Variants in DECR1 observed in about 807,000 individuals in gnomAD.
DECR1 encodes the protein 2,4-dienoyl-CoA reductase 1.
In DECR1, 44 loss-of-function variants were observed where a neutral mutation model predicts 38.8. That is an observed-to-expected ratio of 1.13 (90% CI 0.89 to 1.46). DECR1 has a LOEUF of 1.46. Ranked by LOEUF, DECR1 falls within the 40% of genes most tolerant of loss-of-function variation. DECR1 has a pLI of 0.00. For synonymous variants in DECR1, 148 were observed against 135.2 expected, an observed-to-expected ratio of 1.09 and a Z score of -0.66; for missense variants, 428 against 405.5, an observed-to-expected ratio of 1.06 and a Z score of -0.48.
chr8:90,023,963 T>C (rs553060930), intron 5 of DECR1, among the ~76,000 whole-genome samples: 76 of 152,066 alleles, frequency 5.0e-4, no homozygotes, highest in South Asian at 8.3e-4. Context: ...TGAGAACATG[T>C]GGTGTTTGGT....
intron 1 of DECR1, among the ~76,000 whole-genome samples, chr8:90,002,107 T>C (rs1332976460): frequency 1.3e-5 from 2 of 152,054 alleles, no homozygotes; most frequent in Non-Finnish European, 2.9e-5. Context: ...TTCGAAGTTT[T>C]CACAGTTCTG....
chr8:90,027,537 A>C (rs1429174002), intron 5 of DECR1, among the ~76,000 whole-genome samples: 2 of 152,036 alleles, frequency 1.3e-5, no homozygotes, highest in South Asian at 4.1e-4. Context: ...GACTAGGATT[A>C]CAACCCCTGC....
chr8:90,024,896 A>G (rs762197514), intron 5 of DECR1, among the ~76,000 whole-genome samples: 1 of 152,164 alleles, frequency 6.6e-6, no homozygotes, highest in Non-Finnish European at 1.5e-5. Flanking sequence ...AAATTTTTGT[A>G]TAAGGAGTAA....
rs781289544 is a variant in DECR1 at position 90,020,965 on chromosome 8, T to C, written c.474T>C (p.Pro158=). 14 of 1,595,632 alleles carry C rather than the reference T, an allele frequency of 8.8e-6. No individual in the cohort carries two copies. The highest frequency in any genetic ancestry group is 8.5e-7 in the Non-Finnish European group (1 of 1,172,910). ...NFISPTERLS[P]NAWKTITDIV... The stretch of plus-strand genomic sequence containing the variant: ...TTTCTCCTACTGAAAGACTTTCTCC[T>C]AATGCTTGGAAAACCATAACTGACA... Residue 158 remains proline, a synonymous_variant, in exon 5 of 10, where the codon CCT becomes CCC. Coordinates refer to ENST00000220764, the MANE Select transcript of DECR1 (RefSeq NM_001359.2).
intron 1 of DECR1, chr8:90,016,690 A>G (rs1250313059): frequency 1.3e-5 from 2 of 158,650 alleles, no homozygotes; most frequent in East Asian, 1.9e-4. Context: ...CCAAAACAAA[A>G]CACAACAATT....
chr8:90,048,387 A>T (rs1813969067), intron 8 of DECR1, among the ~76,000 whole-genome samples: 1 of 152,242 alleles, frequency 6.6e-6, no homozygotes, highest in South Asian at 2.1e-4. Context: ...ACAAACTCCC[A>T]TCAGAGAATA....
At chr8:90,003,094 G>A (rs1432775510) in intron 1 of DECR1, 1 of 152,152 alleles carries the variant, frequency 6.6e-6, no homozygotes, top group African/African-American at 2.4e-5. Flanking sequence ...GTTCAGGGTT[G>A]GGAGGCAAGA....
Position 90,052,977 on chromosome 8 carries a change from T to C in DECR1, c.*1080T>C, listed in dbSNP as rs568547345. Among the ~76,000 whole-genome samples the C allele has an allele frequency of 1.3e-5, 2 of 152,180 alleles. No homozygotes were observed. The highest frequency in any genetic ancestry group is 2.9e-5 in the Non-Finnish European group (2 of 68,038). ...CAATTAACATTGACAGTTAATTGTG[T>C]ACATAAATTACATTTATTACATTTA... On this transcript the variant is annotated 3_prime_UTR_variant, in exon 10 of 10. Coordinates refer to ENST00000220764, the MANE Select transcript of DECR1 (RefSeq NM_001359.2).
chr8:90,052,802 A>G lies in DECR1; in HGVS notation c.*905A>G, dbSNP rs1399129866. On this transcript the variant is annotated 3_prime_UTR_variant, in exon 10 of 10. Coordinates refer to ENST00000220764, the MANE Select transcript of DECR1 (RefSeq NM_001359.2). ...TCTACAGAGCTATACTTTTGAGCCT[A>G]TATTTTTAAAATGTCCATTTTGCTT... is the stretch of plus-strand genomic sequence containing the variant. 1.3e-5 allele frequency among the ~76,000 whole-genome samples: 2 copies of G among 152,198 alleles called. No individual in the cohort carries two copies. Among genetic ancestry groups the G allele is most frequent in the African/African-American group, 4.8e-5 (2 of 41,456 alleles).
At position 90,052,859 on chromosome 8, in the gene DECR1, A is replaced by G. The variant is rs1814131455; in HGVS notation, c.*962A>G. Among the ~76,000 whole-genome samples, 1 of 152,160 alleles carries G rather than the reference A, an allele frequency of 6.6e-6. No individual in the cohort carries two copies. On this transcript the variant is annotated 3_prime_UTR_variant, in exon 10 of 10. Transcript: ENST00000220764. ...GAGTCAGTTACAACATGTTCACTAG[A>G]CTGACTATCCCCATTGCCCAAGTTG...
At chr8:90,030,417 A>G (rs546402145) in intron 5 of DECR1, 3 of 152,356 alleles carry the variant, frequency 2.0e-5, no homozygotes, top group African/African-American at 7.2e-5. Flanking sequence ...CTTCTGCCCT[A>G]CCTGCAAAGC....
At chr8:90,041,737 T>A (rs1051850121) in intron 6 of DECR1, among the ~76,000 whole-genome samples, 1 of 152,152 alleles carries the variant, frequency 6.6e-6, no homozygotes, top group Admixed American at 6.6e-5. Flanking sequence ...TACAAATTTG[T>A]GATGTGACTA....
intron 5 of DECR1, among the ~76,000 whole-genome samples, chr8:90,031,479 A>T (rs1250307002): frequency 6.6e-6 from 1 of 152,154 alleles, no homozygotes; most frequent in Non-Finnish European, 1.5e-5. Flanking sequence ...AGCAGCCTAC[A>T]TGAGGGACAT....
intron 5 of DECR1, among the ~76,000 whole-genome samples, 153 bp from the exon 6 acceptor site, chr8:90,036,688 T>C (rs532541089): frequency 4.9e-4 from 74 of 152,348 alleles, no homozygotes; most frequent in South Asian, 1.4e-3. Context: ...CTTAGGTTAC[T>C]CTCTCATTAA....
At chr8:90,016,367 T>C (rs1025363968) in intron 1 of DECR1, among the ~76,000 whole-genome samples, 30 of 152,188 alleles carry the variant, frequency 2.0e-4, no homozygotes, top group African/African-American at 7.0e-4. Flanking sequence ...TCGGGTGTGG[T>C]GGCTCATGCC....
Position 90,021,009 on chromosome 8 carries a change from C to A in DECR1, c.518C>A (p.Ala173Asp). The change falls in exon 5 of 10, where the codon GCC becomes GAC. Residue 173 changes from alanine to aspartate, a missense_variant. Coordinates refer to ENST00000220764, the MANE Select transcript of DECR1 (RefSeq NM_001359.2). Reference sequence around the variant, plus strand: ...ACTGACATAGTTCTAAATGGCACAGCCTTCGTGACACTAGAAATTGGAAAA... The same window carrying A: ...ACTGACATAGTTCTAAATGGCACAGACTTCGTGACACTAGAAATTGGAAAA... ...TITDIVLNGT[A>D]FVTLEIGKQL... The A allele has an allele frequency of 1.9e-6, 3 of 1,594,998 alleles. No homozygotes were observed. The highest frequency in any genetic ancestry group is 1.4e-5 in the African/African-American group (1 of 73,836).
At chr8:90,032,728 G>GC (rs1187214495) in intron 5 of DECR1, among the ~76,000 whole-genome samples, 7 of 152,236 alleles carry the variant, frequency 4.6e-5, no homozygotes, top group Admixed American at 2.0e-4. Context: ...CTTATGCACT[G>GC]CTCAACCATG....
rs1165911562 is a variant in DECR1, at chr8:90,009,734, ATGAT to A, written c.70-7389_70-7386del. Among the ~76,000 whole-genome samples, 3 of 152,334 alleles carry A rather than the reference ATGAT, an allele frequency of 2.0e-5. No individual in the cohort carries two copies. The East Asian group carries it at 5.8e-4, about 29-fold the overall frequency. On this transcript the variant is annotated intron_variant, in intron 1 of 9. Coordinates refer to ENST00000220764, the MANE Select transcript of DECR1 (RefSeq NM_001359.2). ...GATTGTCATTATAGTTTTGGTTAAC[ATGAT>A]AGGGGATCAATAAGAGATGACTCAA...
rs936959453 is a variant in DECR1, at chr8:90,051,949, A to G, written c.*52A>G. On this transcript the variant is annotated 3_prime_UTR_variant, in exon 10 of 10. Coordinates refer to ENST00000220764, the MANE Select transcript of DECR1 (RefSeq NM_001359.2). ...CAGAAAAGGGAATAGAAATGAAACA[A>G]ATTATCTCTCATCTTTTGACTATTT... The G allele has an allele frequency of 6.9e-7, 1 of 1,448,858 alleles. No homozygotes were observed. Among genetic ancestry groups the G allele is most frequent in the Non-Finnish European group, 9.7e-7 (1 of 1,034,840 alleles). The allele number at this position is 1,448,858 out of a possible 1,614,324, so 89.8% of individuals were successfully genotyped here. A position where few individuals can be genotyped will look rare whatever the true frequency, so the allele number is the denominator to read the frequency against.
Sources: gnomAD v4.1 joint callset for allele counts (sites outside exome capture counted in the v4.1 genomes callset) on GRCh38, gnomAD v4.1.1 for gene constraint, MANE v1.5 for transcripts, NCBI Gene and HGNC (gene_info 2026-07-23, HGNC 2026-07-21) for gene names.